Variants in DENND2B observed in about 807,000 individuals in gnomAD.
DENND2B encodes DENN domain-containing protein 2B.
Under a neutral mutation model 116.0 loss-of-function variants are expected in DENND2B, and 32 were observed. The observed-to-expected ratio is 0.28, with a 90% CI of 0.21 to 0.37. The LOEUF (loss-of-function observed/expected upper bound fraction) is 0.37, where lower values mean the gene tolerates loss of function less well. Among genes scored for constraint, DENND2B ranks in the 10% least tolerant of loss-of-function variants. The probability of loss-of-function intolerance (pLI) is 1.00; values close to 1 mark genes in which losing one functional copy is unlikely to be tolerated. For missense variants in DENND2B, 1,276 were observed against 1,477.7 expected, an observed-to-expected ratio of 0.86 and a Z score of 2.24; for synonymous variants, 588 against 583.9, an observed-to-expected ratio of 1.01 and a Z score of -0.10.
chr11:8,760,957 A>G (rs2054510863), intron 1 of DENND2B, among the ~76,000 whole-genome samples: 1 of 152,184 alleles, frequency 6.6e-6, no homozygotes, highest in Non-Finnish European at 1.5e-5. Context: ...CAGAAAAAAA[A>G]GTAAGAACTT....
chr11:8,769,439 T>C (rs984632783), intron 1 of DENND2B, among the ~76,000 whole-genome samples: 3 of 151,940 alleles, frequency 2.0e-5, no homozygotes, highest in Admixed American at 1.3e-4. Flanking sequence ...TTTGTATTTT[T>C]AGTAGAGACG....
chr11:8,790,455 T>C (rs571874919), intron 1 of DENND2B, among the ~76,000 whole-genome samples: 96 of 152,312 alleles, frequency 6.3e-4, no homozygotes, highest in African/African-American at 2.2e-3. Flanking sequence ...CCTGCTTCCT[T>C]ACTTAGCCTA....
intron 8 of DENND2B, 63 bp downstream of exon 8, chr11:8,713,935 G>A (rs2044250255): frequency 6.4e-7 from 1 of 1,570,722 alleles, no homozygotes; most frequent in South Asian, 1.1e-5. Context: ...GCATCGGAAG[G>A]GAAGGCTGAT....
intron 3 of DENND2B, among the ~76,000 whole-genome samples, chr11:8,855,136 C>A (rs1391072228): frequency 6.7e-6 from 1 of 148,412 alleles, no homozygotes; most frequent in Non-Finnish European, 1.5e-5. Flanking sequence ...CAGAGGGAGA[C>A]TCTGTCTCAA....
chr11:8,849,490 CAAAAA>C (rs35966963), intron 3 of DENND2B, among the ~76,000 whole-genome samples: 1 of 63,558 alleles, frequency 1.6e-5, no homozygotes. Context: ...TAGACTGTCT[CAAAAA>C]AAAAAAAAAA....
intron 3 of DENND2B, among the ~76,000 whole-genome samples, chr11:8,839,996 G>A (rs7119939): frequency 6.6e-6 from 1 of 151,780 alleles, no homozygotes; most frequent in Admixed American, 6.6e-5. Flanking sequence ...GGGGAGTTTT[G>A]GGGTTTTTTT....
chr11:8,731,037 G>A lies in DENND2B; in HGVS notation c.253C>T (p.Pro85Ser). 6.2e-7 allele frequency: 1 copy of A among 1,614,136 alleles called. No individual in the cohort carries two copies. The highest frequency in any genetic ancestry group is 8.5e-7 in the Non-Finnish European group (1 of 1,180,026). ...GGACAGGTGGGTGGGGAAGTATCTG[G>A]GGAGGGATCTTGAGGATTCTGGGGT... ...PSPQNPQDPS[P>S]DTSPPTCPFK... is the part of the protein sequence containing the mutation. Residue 85 changes from proline (P) to serine (S), a missense_variant, in exon 3 of 20, where the codon CCA becomes TCA. By Grantham distance (74) the Pro-to-Ser change is moderately conservative. This residue lies in a region of DENND2B where 856 missense variants were observed against 846.6 expected (regional missense o/e 1.01). Transcript: ENST00000313726.
chr11:8,760,771 A>G (rs1283774964), intron 1 of DENND2B, among the ~76,000 whole-genome samples: 1 of 152,190 alleles, frequency 6.6e-6, no homozygotes, highest in Non-Finnish European at 1.5e-5. Flanking sequence ...CAGGTCCAGA[A>G]AGCCCTTCAA....
rs1267043329 is a variant in DENND2B at position 8,730,029 on chromosome 11, G to A, written c.1261C>T (p.Pro421Ser). The A allele has an allele frequency of 3.7e-6, 6 of 1,614,236 alleles. No homozygotes were observed. The Admixed American group carries it at 5.0e-5, about 13-fold the overall frequency. ...GGCGGGGCTGGGGTGGAGGGCAAGG[G>A]AGGTGGAGCAGCAGGTGTGGGTGAA... The part of the protein sequence containing the change: ...PPSPTPAAPP[P>S]LPSTPAPPVT... The change falls in exon 3 of 20, where the codon CCC becomes TCC. Residue 421 changes from proline to serine, a missense_variant. Transcript: ENST00000313726. This position sits in a 1 kb window ranked among gnomAD's most constrained non-coding sequence, Gnocchi z 4.1.
chr11:8,728,700 G>C (rs1294675153), intron 3 of DENND2B, among the ~76,000 whole-genome samples: 1 of 152,112 alleles, frequency 6.6e-6, no homozygotes, highest in Admixed American at 6.5e-5. Flanking sequence ...ATCTAACTCA[G>C]ATGCCCCTTC....
chr11:8,729,490 C>T (rs1393219151), intron 3 of DENND2B, among the ~76,000 whole-genome samples: 1 of 152,128 alleles, frequency 6.6e-6, no homozygotes, highest in Non-Finnish European at 1.5e-5. Context: ...TTAAATTTGC[C>T]GACACTACCA....
At chr11:8,831,149 C>G (rs79343018) in intron 4 of DENND2B, among the ~76,000 whole-genome samples, 3,025 of 152,302 alleles carry the variant, frequency 0.02, 35 homozygotes, top group Middle Eastern at 0.034. Flanking sequence ...GAGCCCCTGG[C>G]TGACCAGCCC....
In DENND2B at chr11:8,709,190, C is replaced by A. The variant is rs565582773; in HGVS notation, c.2353-1336G>T. 6.6e-5 allele frequency among the ~76,000 whole-genome samples: 10 copies of A among 152,330 alleles called. No individual in the cohort carries two copies. The East Asian group carries it at 1.9e-3, about 29-fold the overall frequency. On this transcript the variant is annotated intron_variant, in intron 11 of 19. Coordinates refer to ENST00000313726, the MANE Select transcript of DENND2B (RefSeq NM_213618.2). Reference sequence around the variant, plus strand: ...AACCTGCTGGCCACACGTCACAGATCTAAAGAGAAGGCAGAATCTGTTTTT... The same window carrying A: ...AACCTGCTGGCCACACGTCACAGATATAAAGAGAAGGCAGAATCTGTTTTT...
rs747110919 is a variant in DENND2B, at chr11:8,730,023, G to A, written c.1267C>T (p.Pro423Ser). The A allele has an allele frequency of 1.7e-5, 28 of 1,614,096 alleles. No homozygotes were observed. The highest frequency in any genetic ancestry group is 4.2e-6 in the Non-Finnish European group (5 of 1,180,040). ...SPTPAAPPPL[P>S]STPAPPVTRR... is the part of the protein sequence containing the mutation. The stretch of plus-strand genomic sequence containing the variant: ...GTGACTGGCGGGGCTGGGGTGGAGG[G>A]CAAGGGAGGTGGAGCAGCAGGTGTG... The change falls in exon 3 of 20, where the codon CCC (proline) becomes TCC (serine). Residue 423 changes from proline to serine, a missense_variant. Physicochemically the swap from Pro to Ser is moderately conservative, Grantham distance 74 (BLOSUM62 -1). This residue lies in a region of DENND2B where 856 missense variants were observed against 846.6 expected (regional missense o/e 1.01). Coordinates refer to ENST00000313726, the MANE Select transcript of DENND2B (RefSeq NM_213618.2). This position sits in a 1 kb window ranked among gnomAD's most constrained non-coding sequence, Gnocchi z 4.1.
chr11:8,745,292 C>T (rs1034286035), intron 2 of DENND2B, among the ~76,000 whole-genome samples: 4 of 152,056 alleles, frequency 2.6e-5, no homozygotes, highest in South Asian at 2.1e-4. Context: ...TGGGCTCAAG[C>T]GATCTGCCTG....
At chr11:8,810,254 TA>T (rs893212504) in intron 1 of DENND2B, 2 of 152,078 alleles carry the variant, frequency 1.3e-5, no homozygotes, top group Non-Finnish European at 2.9e-5. Context: ...TTGTGCTAAA[TA>T]AAAGTAAAAT....
intron 1 of DENND2B, chr11:8,794,859 C>A (rs1281034477): frequency 3.3e-5 from 5 of 152,284 alleles, no homozygotes; most frequent in Non-Finnish European, 7.3e-5. Flanking sequence ...TCCTTCCCCT[C>A]TTCCAGGTGT....
At chr11:8,731,921 C>A (rs536349599) in intron 2 of DENND2B, among the ~76,000 whole-genome samples, 2 of 152,150 alleles carry the variant, frequency 1.3e-5, no homozygotes, top group Non-Finnish European at 2.9e-5. Context: ...TGAAGTGGCC[C>A]CCAAATACAC....
chr11:8,796,546 A>G (rs2059830799), intron 1 of DENND2B, among the ~76,000 whole-genome samples: 1 of 152,248 alleles, frequency 6.6e-6, no homozygotes, highest in Non-Finnish European at 1.5e-5. Context: ...AAAAAGAAAA[A>G]GAAGTATCAA....
Sources: gnomAD v4.1 joint callset for allele counts (sites outside exome capture counted in the v4.1 genomes callset) on GRCh38, gnomAD v4.1.1 for gene constraint, gnomAD v4.1.1 regional missense constraint, Gnocchi (gnomAD v3.1) non-coding constraint, MANE v1.5 for transcripts, NCBI Gene and HGNC (gene_info 2026-07-23, HGNC 2026-07-21) for gene names.